The following CDK5RAP2 variants were observed in gnomAD, a reference collection of about 807,000 sequenced individuals.
The protein encoded by CDK5RAP2 is CDK5 regulatory subunit associated protein 2.
CDK5RAP2 carries 147 observed loss-of-function variants against 232.9 expected under a neutral mutation model. The observed-to-expected ratio is 0.63, with a 90% CI of 0.55 to 0.72. The LOEUF is 0.72. Among genes scored for constraint, CDK5RAP2 ranks in the 30% least tolerant of loss-of-function variants. The probability of loss-of-function intolerance (pLI) is 0.00; values close to 1 mark genes in which losing one functional copy is unlikely to be tolerated. For synonymous variants in CDK5RAP2, 833 were observed against 833.7 expected, an observed-to-expected ratio of 1.00 and a Z score of 0.01; for missense variants, 2,195 against 2,231.5, an observed-to-expected ratio of 0.98 and a Z score of 0.33.
intron 3 of CDK5RAP2, among the ~76,000 whole-genome samples, chr9:120,554,452 G>A (rs1186561802): frequency 1.3e-5 from 2 of 152,124 alleles, no homozygotes; most frequent in African/African-American, 4.8e-5. Context: ...AAGATTAGTG[G>A]CTTTGGAGAC....
At chr9:120,400,560 C>T (rs1191358728) in intron 35 of CDK5RAP2, among the ~76,000 whole-genome samples, 182 bp downstream of exon 35, 1 of 152,192 alleles carries the variant, frequency 6.6e-6, no homozygotes, top group African/African-American at 2.4e-5. Flanking sequence ...GTCATGGCTA[C>T]AGGAGTGTGG....
chr9:120,459,100 T>A (rs1293176229), intron 19 of CDK5RAP2, among the ~76,000 whole-genome samples: 1 of 152,240 alleles, frequency 6.6e-6, no homozygotes, highest in African/African-American at 2.4e-5. Context: ...TTGCAATGTA[T>A]CCTCCTTATT....
chr9:120,440,320 A>G (rs534048906), intron 23 of CDK5RAP2: 1 of 321,354 alleles, frequency 3.1e-6, no homozygotes, highest in Non-Finnish European at 5.9e-6. Flanking sequence ...AGTTCCAGGC[A>G]ACCTTTCCAG....
At chr9:120,576,991 G>A (rs2043056644) in intron 1 of CDK5RAP2, among the ~76,000 whole-genome samples, 2 of 152,174 alleles carry the variant, frequency 1.3e-5, no homozygotes, top group Admixed American at 1.3e-4. Context: ...AGGACATAAT[G>A]CTAAGTTAAA....
chr9:120,437,206 G>T, intron 25 of CDK5RAP2, 89 bp downstream of exon 25: 1 of 907,046 alleles, frequency 1.1e-6, no homozygotes, highest in South Asian at 1.4e-5. Context: ...AGATAACTAA[G>T]GCCAAGGAGT....
At chr9:120,502,418 A>G (rs2039617424) in intron 12 of CDK5RAP2, among the ~76,000 whole-genome samples, 2 of 152,220 alleles carry the variant, frequency 1.3e-5, no homozygotes, top group Non-Finnish European at 2.9e-5. Flanking sequence ...TATCAGAACC[A>G]TATTTTGATG....
chr9:120,408,282 G>A lies in CDK5RAP2; in HGVS notation c.4726+65C>T, dbSNP rs551827719. Reference sequence around the variant, plus strand: ...TGAGCTCTGCCCTCCTGTGCCTACAGCCAGCTGTCGGGTGGTCTTACAGCC... The same window carrying A: ...TGAGCTCTGCCCTCCTGTGCCTACAACCAGCTGTCGGGTGGTCTTACAGCC... On this transcript the variant is annotated intron_variant, in intron 31 of 37. Coordinates refer to ENST00000349780, the MANE Select transcript of CDK5RAP2 (RefSeq NM_018249.6). The A allele has an allele frequency of 2.5e-6, 4 of 1,603,262 alleles. No homozygotes were observed. In the African/African-American group the frequency reaches 4.0e-5, roughly 16 times the overall value.
chr9:120,408,487 C>CA lies in CDK5RAP2; in HGVS notation c.4605-20dup, dbSNP rs1433921525. 1 of 1,613,960 alleles carries CA rather than the reference C, an allele frequency of 6.2e-7. No homozygotes were observed. The highest frequency in any genetic ancestry group is 8.5e-7 in the Non-Finnish European group (1 of 1,179,932). On this transcript the variant is annotated intron_variant, in intron 30 of 37. Transcript: ENST00000349780. ...CTGCACCCTGAGAAGGCCCCACAGG[C>CA]ATGAGAAGGACAGGTTAATTCTACC...
chr9:120,474,213 C>T (rs2037880327), intron 15 of CDK5RAP2, among the ~76,000 whole-genome samples: 1 of 152,150 alleles, frequency 6.6e-6, no homozygotes, highest in Non-Finnish European at 1.5e-5. Flanking sequence ...ATGAGATGCT[C>T]AACAAACATC....
Position 120,527,945 on chromosome 9 carries a change from G to T in CDK5RAP2, c.880-20C>A. On this transcript the variant is annotated intron_variant, in intron 9 of 37. Transcript: ENST00000349780. ...AAGTGCCTAAATTAGATTAGAAAAA[G>T]ATTCACTAAGTTGATGCGTTCCAAC... is the stretch of plus-strand genomic sequence containing the variant. The T allele has an allele frequency of 6.2e-7, 1 of 1,613,164 alleles. No individual in the cohort carries two copies. The highest frequency in any genetic ancestry group is 8.5e-7 in the Non-Finnish European group (1 of 1,179,868).
In CDK5RAP2 at chr9:120,419,800, T is replaced by C; in HGVS notation, c.4165A>G (p.Ser1389Gly). Reference protein sequence around the residue: ...ETEKTSVMVNSFSQDLLMEHI... With the variant: ...ETEKTSVMVNGFSQDLLMEHI... ...AGGCTTAGCTTACCTTGAGAAAAAC[T>C]GTTCACCATAACTGAAGTCTTCTCT... is the stretch of plus-strand genomic sequence containing the variant. The change falls in exon 27 of 38, where the codon AGT becomes GGT. Residue 1389 changes from serine (S) to glycine (G), a missense_variant. Coordinates refer to ENST00000349780, the MANE Select transcript of CDK5RAP2 (RefSeq NM_018249.6). The C allele has an allele frequency of 6.2e-7, 1 of 1,613,688 alleles. No homozygotes were observed. Among genetic ancestry groups the C allele is most frequent in the Non-Finnish European group, 8.5e-7 (1 of 1,179,590 alleles).
chr9:120,409,388 C>T (rs1397434301), intron 29 of CDK5RAP2, 72 bp from the exon 30 acceptor site: 7 of 1,060,394 alleles, frequency 6.6e-6, no homozygotes, highest in Non-Finnish European at 9.8e-6. Context: ...ATAAATACAG[C>T]ACTTCAAGAA....
intron 25 of CDK5RAP2, among the ~76,000 whole-genome samples, chr9:120,426,928 G>A (rs1484807396): frequency 1.3e-5 from 2 of 152,188 alleles, no homozygotes; most frequent in East Asian, 3.9e-4. Context: ...GCTCCAAAGG[G>A]AGGAGAGTAT....
At chr9:120,521,790 C>G in intron 11 of CDK5RAP2, among the ~76,000 whole-genome samples, 1 of 151,860 alleles carries the variant, frequency 6.6e-6, no homozygotes, top group Non-Finnish European at 1.5e-5. Context: ...GGACTACAGG[C>G]GCCCACCACC....
chr9:120,570,333 G>A (rs1293839132), intron 2 of CDK5RAP2, among the ~76,000 whole-genome samples: 1 of 152,060 alleles, frequency 6.6e-6, no homozygotes, highest in Non-Finnish European at 1.5e-5. Context: ...AATTTCTTGG[G>A]AAACTCTAGC....
intron 11 of CDK5RAP2, among the ~76,000 whole-genome samples, chr9:120,519,036 G>A (rs2040496509): frequency 6.6e-6 from 1 of 152,006 alleles, no homozygotes; most frequent in African/African-American, 2.4e-5. Flanking sequence ...TTAGCCAGGC[G>A]TGGAGGTGGG....
chr9:120,538,020 G>C (rs965368338), intron 6 of CDK5RAP2, among the ~76,000 whole-genome samples: 5 of 152,202 alleles, frequency 3.3e-5, no homozygotes, highest in Non-Finnish European at 7.3e-5. Context: ...AAATGAACCA[G>C]TAAGTTAGAT....
In CDK5RAP2 at chr9:120,460,616, C is replaced by G. The variant is rs372325106; in HGVS notation, c.2158G>C (p.Glu720Gln). The change falls in exon 19 of 38, where the codon GAG becomes CAG. Residue 720 changes from glutamate (E) to glutamine (Q), a missense_variant. Transcript: ENST00000349780. Reference protein sequence around the residue: ...EDTIKIGEDDEINFLSDQHLQ... With the variant: ...EDTIKIGEDDQINFLSDQHLQ... The stretch of plus-strand genomic sequence containing the variant: ...TGCTGGTCACTCAGGAAATTAATCT[C>G]GTCATCCTCCCCAATTTTGATCGTG... The G allele has an allele frequency of 6.2e-7, 1 of 1,614,010 alleles. No individual in the cohort carries two copies. Among genetic ancestry groups the G allele is most frequent in the Non-Finnish European group, 8.5e-7 (1 of 1,180,020 alleles).
intron 35 of CDK5RAP2, among the ~76,000 whole-genome samples, chr9:120,396,312 C>G (rs1369511331): frequency 2.0e-5 from 3 of 152,236 alleles, no homozygotes; most frequent in Non-Finnish European, 4.4e-5. Context: ...CTCCAGAGGC[C>G]ACACATTCCA....
Sources: gnomAD v4.1 joint callset for allele counts (sites outside exome capture counted in the v4.1 genomes callset) on GRCh38, gnomAD v4.1.1 for gene constraint, MANE v1.5 for transcripts, NCBI Gene and HGNC (gene_info 2026-07-23, HGNC 2026-07-21) for gene names.